Variants in COG5 observed in about 807,000 individuals in gnomAD.
COG5 encodes the protein conserved oligomeric Golgi complex subunit 5.
In COG5, 86 loss-of-function variants were observed where a neutral mutation model predicts 110.4. That is an observed-to-expected ratio of 0.78 (90% CI 0.65 to 0.93). The LOEUF is 0.93. Ranked by LOEUF, COG5 falls within the 40% of genes least tolerant of loss-of-function variation. The pLI is 0.00. For synonymous variants in COG5, 360 were observed against 334.6 expected, an observed-to-expected ratio of 1.08 and a Z score of -0.83; for missense variants, 1,077 against 987.0, an observed-to-expected ratio of 1.09 and a Z score of -1.22.
chr7:107,282,710 T>C (rs1473761047), intron 13 of COG5, among the ~76,000 whole-genome samples: 2 of 151,952 alleles, frequency 1.3e-5, no homozygotes, highest in Non-Finnish European at 2.9e-5. Context: ...TTAGTAGAGA[T>C]GGCGTTTCAC....
At chr7:107,529,010 C>A (rs1800976665) in intron 5 of COG5, among the ~76,000 whole-genome samples, 1 of 64,050 alleles carries the variant, frequency 1.6e-5, no homozygotes, top group Non-Finnish European at 2.6e-5. Flanking sequence ...AGAAACTAAT[C>A]TGAAATACTT....
At chr7:107,550,007 T>C (rs1271747126) in intron 3 of COG5, among the ~76,000 whole-genome samples, 2 of 151,886 alleles carry the variant, frequency 1.3e-5, no homozygotes, top group Non-Finnish European at 2.9e-5. Context: ...CTCTCTGTCC[T>C]CTTTCTCTCT....
At chr7:107,448,190 T>TC (rs1275464056) in intron 6 of COG5, among the ~76,000 whole-genome samples, 1 of 151,718 alleles carries the variant, frequency 6.6e-6, no homozygotes, top group African/African-American at 2.4e-5. Flanking sequence ...GACACCCTCC[T>TC]CCCCCAAAAC....
At chr7:107,492,933 A>T (rs1798060212) in intron 6 of COG5, among the ~76,000 whole-genome samples, 1 of 152,112 alleles carries the variant, frequency 6.6e-6, no homozygotes, top group Non-Finnish European at 1.5e-5. Flanking sequence ...AACACCAGAG[A>T]ACATGTCATG....
chr7:107,247,545 A>G (rs966261996), intron 17 of COG5, among the ~76,000 whole-genome samples: 1 of 152,184 alleles, frequency 6.6e-6, no homozygotes, highest in African/African-American at 2.4e-5. Context: ...CTCAAAAATA[A>G]TAACTATGAA....
intron 12 of COG5, among the ~76,000 whole-genome samples, chr7:107,290,706 T>G (rs1806094318): frequency 6.6e-6 from 1 of 152,230 alleles, no homozygotes; most frequent in Non-Finnish European, 1.5e-5. Context: ...CTCATTTTTT[T>G]TCCTTTGAGC....
At chr7:107,497,485 T>A (rs1362418796) in intron 6 of COG5, among the ~76,000 whole-genome samples, 1 of 152,160 alleles carries the variant, frequency 6.6e-6, no homozygotes, top group Non-Finnish European at 1.5e-5. Context: ...ATCAGTGTCA[T>A]TCCTATGTAC....
chr7:107,462,409 A>G (rs1450334860), intron 6 of COG5, among the ~76,000 whole-genome samples: 1 of 152,108 alleles, frequency 6.6e-6, no homozygotes, highest in Non-Finnish European at 1.5e-5. Flanking sequence ...GGCCTGACAA[A>G]GCATTTCTCA....
At chr7:107,252,550 T>C (rs1802597452) in intron 16 of COG5, among the ~76,000 whole-genome samples, 1 of 152,172 alleles carries the variant, frequency 6.6e-6, no homozygotes, top group Non-Finnish European at 1.5e-5. Context: ...TTCAAACTCA[T>C]TTAGTGAAGC....
intron 10 of COG5, among the ~76,000 whole-genome samples, chr7:107,357,577 T>G (rs561353074): frequency 3.9e-5 from 6 of 152,212 alleles, no homozygotes; most frequent in African/African-American, 1.4e-4. Context: ...TTTAAGTACA[T>G]GAAATAGGTG....
chr7:107,338,967 T>C (rs117736930), intron 10 of COG5, among the ~76,000 whole-genome samples: 14 of 152,080 alleles, frequency 9.2e-5, no homozygotes, highest in East Asian at 5.8e-4. Context: ...ATCCACACAA[T>C]AGAAACTACA....
At chr7:107,419,201 G>A (rs1399871154) in intron 6 of COG5, among the ~76,000 whole-genome samples, 1 of 152,076 alleles carries the variant, frequency 6.6e-6, no homozygotes, top group Non-Finnish European at 1.5e-5. Context: ...TAAAGTCGTG[G>A]TATTTGCACA....
chr7:107,251,684 T>A (rs1562934132), intron 16 of COG5, among the ~76,000 whole-genome samples: 1 of 152,068 alleles, frequency 6.6e-6, no homozygotes, highest in Non-Finnish European at 1.5e-5. Flanking sequence ...AAGATACAAG[T>A]ATAACACAGA....
At chr7:107,238,530 TG>T (rs1338314231) in intron 17 of COG5, among the ~76,000 whole-genome samples, 1 of 152,230 alleles carries the variant, frequency 6.6e-6, no homozygotes, top group African/African-American at 2.4e-5. Flanking sequence ...GTGGGACTGC[TG>T]GATCATGTGG....
intron 16 of COG5, among the ~76,000 whole-genome samples, chr7:107,253,580 T>C (rs1177263367): frequency 1.3e-5 from 2 of 152,108 alleles, no homozygotes; most frequent in Non-Finnish European, 2.9e-5. Flanking sequence ...TATATAGCTA[T>C]GGTGGTTATA....
In COG5 at chr7:107,548,274, G is replaced by C. The variant is rs2066735; in HGVS notation, c.347+4C>G. The C allele has an allele frequency of 1.2e-6, 2 of 1,609,982 alleles. No homozygotes were observed. The highest frequency in any genetic ancestry group is 8.5e-7 in the Non-Finnish European group (1 of 1,176,528). On this transcript the variant is annotated splice_donor_region_variant and intron_variant, in intron 4 of 21. Coordinates refer to ENST00000297135, the MANE Select transcript of COG5 (RefSeq NM_006348.5). The stretch of plus-strand genomic sequence containing the variant: ...CCATTTATTTATAAAATTAAGAACA[G>C]TACCTATCAACAGCTCCCTGTAAAG...
intron 6 of COG5, among the ~76,000 whole-genome samples, chr7:107,478,272 G>A (rs1353415546): frequency 6.6e-6 from 1 of 151,904 alleles, no homozygotes; most frequent in African/African-American, 2.4e-5. Flanking sequence ...CAAACTTATT[G>A]TGAAGGTAGA....
chr7:107,336,412 A>C (rs1054371933), intron 10 of COG5, among the ~76,000 whole-genome samples: 2 of 152,234 alleles, frequency 1.3e-5, no homozygotes, highest in African/African-American at 2.4e-5. Flanking sequence ...AGAGACACAA[A>C]GGGGCTGATT....
chr7:107,412,515 C>A lies in COG5; in HGVS notation c.656G>T (p.Gly219Val), dbSNP rs760642504. 1.5e-5 allele frequency: 24 copies of A among 1,612,894 alleles called. No homozygotes were observed. Among genetic ancestry groups the A allele is most frequent in the Non-Finnish European group, 2.0e-5 (24 of 1,179,616 alleles). ...TATTTTTATTACCTGAGTCTCCAAA[C>A]CCTGCTCTAGTAGGCGCTTAGCTTG... ...ENQAKRLLEQ[G>V]LETQNPTQVG... is the part of the protein sequence containing the mutation. The change falls in exon 7 of 22, where the codon GGT (glycine) becomes GTT (valine). Residue 219 changes from glycine to valine, a missense_variant. Coordinates refer to ENST00000297135, the MANE Select transcript of COG5 (RefSeq NM_006348.5).
Sources: allele counts gnomAD v4.1 joint callset (sites outside exome capture counted in the v4.1 genomes callset), GRCh38; gene constraint gnomAD v4.1.1; transcripts MANE v1.5; gene names NCBI Gene and HGNC (gene_info 2026-07-23, HGNC 2026-07-21).